Variants in EZH1 observed in about 807,000 individuals in gnomAD.
EZH1 encodes the protein histone-lysine N-methyltransferase EZH1.
A neutral mutation model predicts 100.5 loss-of-function variants in EZH1; 33 were observed. That is an observed-to-expected ratio of 0.33 (90% confidence interval 0.25 to 0.44). The LOEUF (loss-of-function observed/expected upper bound fraction) is 0.44, where lower values mean the gene tolerates loss of function less well. Among genes scored for constraint, EZH1 ranks in the 20% least tolerant of loss-of-function variants. EZH1 has a pLI of 1.00. For missense variants in EZH1, 475 were observed against 928.4 expected (o/e 0.51, Z 6.35); for synonymous variants, 272 against 313.8 (o/e 0.87, Z 1.41).
chr17:42,710,214 C>T (rs1201258365), intron 12 of EZH1, among the ~76,000 whole-genome samples: 4 of 152,170 alleles, frequency 2.6e-5, no homozygotes, highest in Admixed American at 1.3e-4. Context: ...TACCAAGCCA[C>T]GGGTAGAAGA....
chr17:42,733,471 C>G (rs531816747), intron 1 of EZH1, among the ~76,000 whole-genome samples: 1 of 151,776 alleles, frequency 6.6e-6, no homozygotes, highest in East Asian at 1.9e-4. Context: ...GAAACCCCGT[C>G]TCTTCTAAAA....
intron 16 of EZH1, among the ~76,000 whole-genome samples, 186 bp from the exon 17 acceptor site, chr17:42,705,369 A>G (rs1292259640): frequency 6.6e-6 from 1 of 152,196 alleles, no homozygotes; most frequent in Non-Finnish European, 1.5e-5. Context: ...GGAGGTGGTG[A>G]CGAACGGAAA....
intron 20 of EZH1, 115 bp from the exon 21 acceptor site, chr17:42,702,707 G>T: frequency 2.3e-6 from 3 of 1,296,362 alleles, no homozygotes; most frequent in Non-Finnish European, 3.3e-6. Context: ...GTTTACAATG[G>T]TCCCACTTCT....
At chr17:42,720,219 T>C in intron 7 of EZH1, 54 bp downstream of exon 7, 1 of 1,545,090 alleles carries the variant, frequency 6.5e-7, no homozygotes, top group South Asian at 1.3e-5. Context: ...AGTTCTTCCT[T>C]CTTCCCTATC....
rs1326758482 is a variant in EZH1 at position 42,708,889 on chromosome 17, A to C, written c.1521T>G (p.Ile507Met). The C allele has an allele frequency of 6.2e-7, 1 of 1,614,204 alleles. No individual in the cohort carries two copies. The highest frequency in any genetic ancestry group is 8.5e-7 in the Non-Finnish European group (1 of 1,180,038). Residue 507 changes from isoleucine (I) to methionine (M), a missense_variant, in exon 14 of 21, where the codon ATT becomes ATG. Physicochemically the swap from Ile to Met is conservative, Grantham distance 10. Around this residue, in one of 8 missense-constraint regions of EZH1, gnomAD observed 83 missense variants for 142.1 expected, o/e 0.58. Coordinates refer to ENST00000428826, the MANE Select transcript of EZH1 (RefSeq NM_001991.5). ...GGTAGAACTTACCTTTCTTCAGCTG[A>C]ATCTTCCTGCAGTGTGCAGCCCACA... is the stretch of plus-strand genomic sequence containing the variant. Reference protein sequence around the residue: ...HRLWAAHCRKIQLKKDNSSTQ... With the variant: ...HRLWAAHCRKMQLKKDNSSTQ...
intron 3 of EZH1, among the ~76,000 whole-genome samples, chr17:42,728,340 C>A (rs1471002733): frequency 2.0e-5 from 3 of 150,770 alleles, no homozygotes; most frequent in African/African-American, 7.3e-5. Flanking sequence ...TCTCGAACTC[C>A]TGACCTCAGG....
rs189593907 is a variant in EZH1 at position 42,742,742 on chromosome 17, T to G, written c.-103+2269A>C. On this transcript the variant is annotated intron_variant, in intron 1 of 20. Coordinates refer to ENST00000428826, the MANE Select transcript of EZH1 (RefSeq NM_001991.5). ...TGAATAAAACATATATCCCTGCCTT[T>G]GGAGTTGATTCATTATGTTTGTGAC... Among the ~76,000 whole-genome samples, 61 of 152,366 alleles carry G rather than the reference T, an allele frequency of 4.0e-4. 1 individual carries two copies. Among genetic ancestry groups the G allele is most frequent in the Admixed American group, 2.1e-3 (32 of 15,296 alleles).
chr17:42,708,202 C>T (rs899814666), intron 14 of EZH1, 119 bp from the exon 15 acceptor site: 4 of 1,215,436 alleles, frequency 3.3e-6, no homozygotes, highest in African/African-American at 1.5e-5. Flanking sequence ...CTTGGACACA[C>T]ATTTAGCACC....
intron 13 of EZH1, chr17:42,709,640 T>C (rs2143736527): frequency 1.8e-6 from 1 of 541,760 alleles, no homozygotes; most frequent in Non-Finnish European, 3.3e-6. Flanking sequence ...TCCACAGCAC[T>C]GGGGGACAAG....
chr17:42,702,812 C>T (rs973312903), intron 20 of EZH1, 65 bp downstream of exon 20: 1 of 1,558,998 alleles, frequency 6.4e-7, no homozygotes, highest in South Asian at 1.1e-5. Context: ...GCCCCCAAAT[C>T]TATTCCAACA....
rs200989200 is a variant in EZH1 at position 42,742,871 on chromosome 17, CTT to C, written c.-103+2138_-103+2139del. On this transcript the variant is annotated intron_variant, in intron 1 of 20. Transcript: ENST00000428826. ...TGCGTTTTTAAGTACTTCTCTCTCC[CTT>C]TTTTTTTTCTTTTTTGAGATGGAGT... 6.7e-5 allele frequency among the ~76,000 whole-genome samples: 10 copies of C among 149,530 alleles called. No homozygotes were observed. The South Asian group carries it at 8.5e-4, about 13-fold the overall frequency.
chr17:42,713,941 G>A (rs1159552465), intron 10 of EZH1, among the ~76,000 whole-genome samples: 2 of 152,182 alleles, frequency 1.3e-5, no homozygotes, highest in Non-Finnish European at 2.9e-5. Flanking sequence ...GCAGCTAATA[G>A]TTCCAGAGGG....
intron 1 of EZH1, 62 bp downstream of exon 1, chr17:42,744,949 C>A (rs1314175239): frequency 8.0e-7 from 1 of 1,253,968 alleles, no homozygotes; most frequent in Non-Finnish European, 1.0e-6. Context: ...CCCTCAGGCC[C>A]AGGGCGGCGA....
chr17:42,732,074 G>A (rs1159430449), intron 1 of EZH1, among the ~76,000 whole-genome samples: 1 of 150,852 alleles, frequency 6.6e-6, no homozygotes, highest in South Asian at 2.1e-4. Context: ...AGCCATGATT[G>A]TACCACTGCA....
chr17:42,725,237 G>A (rs1031279400), intron 4 of EZH1, among the ~76,000 whole-genome samples: 1 of 151,326 alleles, frequency 6.6e-6, no homozygotes, highest in Non-Finnish European at 1.5e-5. Context: ...CTCCTAAAAG[G>A]AATCCCTAGA....
At chr17:42,708,755 G>T in intron 14 of EZH1, 121 bp downstream of exon 14, 3 of 1,054,120 alleles carry the variant, frequency 2.8e-6, no homozygotes, top group South Asian at 2.6e-5. Flanking sequence ...TTGCTGCAGA[G>T]AATTCTGCAA....
intron 1 of EZH1, among the ~76,000 whole-genome samples, chr17:42,735,901 C>T (rs1427497347): frequency 6.6e-6 from 1 of 152,116 alleles, no homozygotes; most frequent in Non-Finnish European, 1.5e-5. Context: ...AGGAGAATTG[C>T]TTAAACCCAG....
rs769406307 is a variant in EZH1, at chr17:42,704,598, A to G, written c.2017+4T>C. The stretch of plus-strand genomic sequence containing the variant: ...CCTTGGGATGAGACAAAGTGACTTC[A>G]TACCATTATTGAGGTTGAAGAGGAA... On this transcript the variant is annotated splice_donor_region_variant and intron_variant, in intron 18 of 20. Coordinates refer to ENST00000428826, the MANE Select transcript of EZH1 (RefSeq NM_001991.5). 3 of 1,611,868 alleles carry G rather than the reference A, an allele frequency of 1.9e-6. No homozygotes were observed. The highest frequency in any genetic ancestry group is 2.5e-6 in the Non-Finnish European group (3 of 1,178,526).
At chr17:42,743,484 T>C (rs1213988736) in intron 1 of EZH1, among the ~76,000 whole-genome samples, 4 of 150,954 alleles carry the variant, frequency 2.6e-5, no homozygotes, top group Non-Finnish European at 5.9e-5. Context: ...TTTTTTTTTC[T>C]TGAGACAGGG....
Sources: allele counts gnomAD v4.1 joint callset (sites outside exome capture counted in the v4.1 genomes callset), GRCh38; gene constraint gnomAD v4.1.1; regional missense constraint gnomAD v4.1.1; transcripts MANE v1.5; gene names NCBI Gene and HGNC (gene_info 2026-07-23, HGNC 2026-07-21).